The following PTPRD variants were observed in gnomAD, a reference collection of about 807,000 sequenced individuals.
PTPRD encodes the protein receptor-type tyrosine-protein phosphatase delta.
Under a neutral mutation model 214.5 loss-of-function variants are expected in PTPRD, and 34 were observed. The ratio of observed to expected loss-of-function variants is 0.16; its 90% CI spans 0.12 to 0.21. PTPRD has a LOEUF of 0.21. Among genes scored for constraint, PTPRD ranks in the 10% least tolerant of loss-of-function variants. PTPRD has a pLI of 1.00. For synonymous variants in PTPRD, 1,128 were observed against 845.7 expected, an observed-to-expected ratio of 1.33 and a Z score of -5.79; for missense variants, 2,545 against 2,398.7, an observed-to-expected ratio of 1.06 and a Z score of -1.27.
chr9:9,565,923 A>G (rs966955947), intron 8 of PTPRD, among the ~76,000 whole-genome samples: 3 of 151,952 alleles, frequency 2.0e-5, no homozygotes, highest in Non-Finnish European at 2.9e-5. Flanking sequence ...CTTCTATAGT[A>G]GGGAATCTAT....
chr9:8,773,340 C>T (rs568423890), intron 11 of PTPRD, among the ~76,000 whole-genome samples: 13 of 152,306 alleles, frequency 8.5e-5, no homozygotes, highest in South Asian at 8.3e-4. Context: ...TCGGCCCCAT[C>T]TTCCCAACTC....
intron 39 of PTPRD, among the ~76,000 whole-genome samples, chr9:8,348,994 G>C (rs541990804): frequency 6.6e-6 from 1 of 151,944 alleles, no homozygotes; most frequent in Non-Finnish European, 1.5e-5. Flanking sequence ...CTACTGTTTG[G>C]CAATTTCCAT....
intron 7 of PTPRD, among the ~76,000 whole-genome samples, chr9:9,575,746 A>C (rs34503538): frequency 8.2e-6 from 1 of 121,236 alleles, no homozygotes; most frequent in Admixed American, 9.0e-5. Context: ...AAAAAAAAAA[A>C]GAAAGAAAGA....
At chr9:9,683,657 A>G (rs1198059983) in intron 7 of PTPRD, among the ~76,000 whole-genome samples, 1 of 151,684 alleles carries the variant, frequency 6.6e-6, no homozygotes, top group Non-Finnish European at 1.5e-5. Context: ...GGCATGCTGC[A>G]TTTTAGTATT....
intron 9 of PTPRD, among the ~76,000 whole-genome samples, chr9:9,225,415 A>G (rs752183405): frequency 1.8e-4 from 27 of 152,028 alleles, no homozygotes; most frequent in Non-Finnish European, 3.4e-4. Context: ...CTTACAAGGA[A>G]CACTATATAA....
Position 8,692,363 on chromosome 9 carries a change from TC to T in PTPRD, c.64+41416del, listed in dbSNP as rs371969217. Among the ~76,000 whole-genome samples, 93 of 152,290 alleles carry T rather than the reference TC, an allele frequency of 6.1e-4. 1 individual carries two copies. The highest frequency in any genetic ancestry group is 2.2e-3 in the African/African-American group (90 of 41,570). On this transcript the variant is annotated intron_variant, in intron 12 of 45. Coordinates refer to ENST00000381196, the MANE Select transcript of PTPRD (RefSeq NM_002839.4). ...TCTTCCATCTAGTGGTTCTATCATC[TC>T]TTCCTGGAATCTTCCATTGGACCTC...
rs189109279 is a variant in PTPRD, at chr9:10,419,947, T to C, written c.-599-78930A>G. ...CACACTAGAAAGCTCAGCTCCACAATTGCTCAACTTTACTAGGCATAGATA... is the reference window on the plus strand; with the variant it reads ...CACACTAGAAAGCTCAGCTCCACAACTGCTCAACTTTACTAGGCATAGATA... On this transcript the variant is annotated intron_variant, in intron 2 of 45. Coordinates refer to ENST00000381196, the MANE Select transcript of PTPRD (RefSeq NM_002839.4). 2.5e-3 allele frequency among the ~76,000 whole-genome samples: 387 copies of C among 151,946 alleles called. 5 individuals are homozygous for C. The highest frequency in any genetic ancestry group is 0.014 in the Admixed American group (215 of 15,174).
At chr9:10,473,478 A>G (rs750216145) in intron 2 of PTPRD, among the ~76,000 whole-genome samples, 1 of 152,140 alleles carries the variant, frequency 6.6e-6, no homozygotes, top group Non-Finnish European at 1.5e-5. Context: ...TATTCCAACT[A>G]TAAAAACTAA....
intron 10 of PTPRD, among the ~76,000 whole-genome samples, chr9:9,116,661 C>A (rs2099812625): frequency 6.6e-6 from 1 of 151,936 alleles, no homozygotes; most frequent in Non-Finnish European, 1.5e-5. Context: ...CACCCAAAAA[C>A]CTTTTATTTA....
intron 5 of PTPRD, among the ~76,000 whole-genome samples, chr9:9,870,012 T>A (rs2065023404): frequency 6.6e-6 from 1 of 152,098 alleles, no homozygotes; most frequent in Non-Finnish European, 1.5e-5. Flanking sequence ...TTAGCTTACA[T>A]CAATATTATC....
At chr9:10,544,498 A>T (rs1409972251) in intron 2 of PTPRD, among the ~76,000 whole-genome samples, 1 of 152,116 alleles carries the variant, frequency 6.6e-6, no homozygotes, top group African/African-American at 2.4e-5. Flanking sequence ...TGTGACTTAA[A>T]TGTCTCTCAA....
At chr9:10,314,503 A>G (rs2096367124) in intron 3 of PTPRD, among the ~76,000 whole-genome samples, 1 of 151,900 alleles carries the variant, frequency 6.6e-6, no homozygotes, top group African/African-American at 2.4e-5. Flanking sequence ...GTCATAGAAA[A>G]TTTGAGTTTA....
chr9:8,327,960 C>A (rs537764513), intron 44 of PTPRD, among the ~76,000 whole-genome samples: 95 of 89,068 alleles, frequency 1.1e-3, no homozygotes, highest in African/African-American at 3.9e-3. Flanking sequence ...GGTCTTCACT[C>A]CTCTTTATCC....
intron 8 of PTPRD, among the ~76,000 whole-genome samples, chr9:9,421,650 T>C (rs1449814563): frequency 6.6e-6 from 1 of 152,122 alleles, no homozygotes; most frequent in Admixed American, 6.6e-5. Context: ...GTTTGTCACA[T>C]CATTTTATAA....
chr9:8,939,578 C>CAA (rs982669500), intron 11 of PTPRD, among the ~76,000 whole-genome samples: 73 of 151,736 alleles, frequency 4.8e-4, no homozygotes, highest in African/African-American at 1.6e-3. Context: ...ATATACATAA[C>CAA]ACACACACAC....
At chr9:9,333,615 T>C (rs997010899) in intron 9 of PTPRD, among the ~76,000 whole-genome samples, 4 of 150,538 alleles carry the variant, frequency 2.7e-5, no homozygotes, top group African/African-American at 9.8e-5. Flanking sequence ...GGTCTGGAAA[T>C]GTAAAGAAGA....
At chr9:8,879,973 G>A (rs776908509) in intron 11 of PTPRD, among the ~76,000 whole-genome samples, 6 of 152,118 alleles carry the variant, frequency 3.9e-5, no homozygotes, top group Non-Finnish European at 8.8e-5. Flanking sequence ...CTCCCTCCCT[G>A]ACTCCTTAAG....
Position 10,544,855 on chromosome 9 carries a change from A to C in PTPRD, c.-600+67543T>G, listed in dbSNP as rs145429228. Among the ~76,000 whole-genome samples the C allele has an allele frequency of 6.6e-5, 10 of 152,328 alleles. 1 individual carries two copies. The highest frequency in any genetic ancestry group is 2.4e-4 in the African/African-American group (10 of 41,584). ...TGACAAAATAATTTTGGACATTACT[A>C]CATAAAAATAGGGAAATGTTCCTCA... On this transcript the variant is annotated intron_variant, in intron 2 of 45. Transcript: ENST00000381196.
At chr9:9,809,173 G>C (rs1467729571) in intron 5 of PTPRD, among the ~76,000 whole-genome samples, 1 of 151,424 alleles carries the variant, frequency 6.6e-6, no homozygotes, top group Non-Finnish European at 1.5e-5. Flanking sequence ...ATGTTAATAG[G>C]TTTGTAGGCC....
Sources: gnomAD v4.1 joint callset for allele counts (sites outside exome capture counted in the v4.1 genomes callset) on GRCh38, gnomAD v4.1.1 for gene constraint, MANE v1.5 for transcripts, NCBI Gene and HGNC (gene_info 2026-07-23, HGNC 2026-07-21) for gene names.